Variants in MTHFD2 observed in about 807,000 individuals in gnomAD.
MTHFD2 encodes methylenetetrahydrofolate dehydrogenase (NADP+ dependent) 2, methenyltetrahydrofolate cyclohydrolase, also known as bifunctional methylenetetrahydrofolate dehydrogenase/cyclohydrolase, mitochondrial.
MTHFD2 carries 26 observed loss-of-function variants against 36.8 expected under a neutral mutation model. That is an observed-to-expected ratio of 0.71 (90% CI 0.52 to 0.98). The LOEUF is 0.98. MTHFD2 is among the 50% of genes least tolerant of loss of function. MTHFD2 has a pLI of 0.00. For missense variants in MTHFD2, 373 were observed against 434.0 expected, an observed-to-expected ratio of 0.86 and a Z score of 1.25; for synonymous variants, 164 against 155.2, an observed-to-expected ratio of 1.06 and a Z score of -0.42.
intron 1 of MTHFD2, 103 bp downstream of exon 1, chr2:74,198,845 C>A: frequency 9.1e-7 from 1 of 1,099,390 alleles, no homozygotes; most frequent in Non-Finnish European, 1.3e-6. Context: ...CCTTCCCGAA[C>A]ATCTCCGCCC....
At chr2:74,210,788 T>TTG (rs1553449054) in intron 5 of MTHFD2, among the ~76,000 whole-genome samples, 2 of 149,960 alleles carry the variant, frequency 1.3e-5, no homozygotes, top group African/African-American at 2.5e-5. Flanking sequence ...TAAGTCAGTT[T>TTG]TTTTTTTTTT....
At chr2:74,208,879 T>G (rs1694243377) in intron 4 of MTHFD2, among the ~76,000 whole-genome samples, 158 bp downstream of exon 4, 1 of 152,104 alleles carries the variant, frequency 6.6e-6, no homozygotes, top group Non-Finnish European at 1.5e-5. Context: ...TTTTTTTGTT[T>G]TTTGTTTTTT....
chr2:74,201,075 C>T (rs946210181), intron 1 of MTHFD2, among the ~76,000 whole-genome samples: 1 of 152,156 alleles, frequency 6.6e-6, no homozygotes, highest in South Asian at 2.1e-4. Context: ...GCAACCTCTG[C>T]CTCCTGGGTT....
In MTHFD2 at chr2:74,207,800, G is replaced by T; in HGVS notation, c.383G>T (p.Gly128Val). Residue 128 changes from glycine to valine, a missense_variant, in exon 3 of 8, where the codon GGC becomes GTC. By Grantham distance (109) the Gly-to-Val change is moderately radical (BLOSUM62 -3). Coordinates refer to ENST00000394053, the MANE Select transcript of MTHFD2 (RefSeq NM_006636.4). ...CTGAATAATGATGATAATGTAGATG[G>T]CCTCCTTGTTCAGTTGCCTCTTCCA... ...NKLNNDDNVD[G>V]LLVQLPLPEH... 1.3e-6 allele frequency: 2 copies of T among 1,586,580 alleles called. No homozygotes were observed. Among genetic ancestry groups the T allele is most frequent in the South Asian group, 2.3e-5 (2 of 88,536 alleles).
chr2:74,198,625 AGTCACCGGCGCG>A lies in MTHFD2; in HGVS notation c.-13_-2del. ...CGCGCGCGCGCTTCCCTCCCGGCGC[AGTCACCGGCGCG>A]GTCTATGGCTGCGACTTCTCTAATG... On this transcript the variant is annotated 5_prime_UTR_variant, in exon 1 of 8. Transcript: ENST00000394053. 1 of 1,588,648 alleles carries A rather than the reference AGTCACCGGCGCG, an allele frequency of 6.3e-7. No individual in the cohort carries two copies. The highest frequency in any genetic ancestry group is 8.6e-7 in the Non-Finnish European group (1 of 1,167,196).
rs948927335 is a variant in MTHFD2, at chr2:74,217,075, T to G, written c.*2833T>G. 2 of 152,202 alleles carry G rather than the reference T, an allele frequency of 1.3e-5. No individual in the cohort carries two copies. Among genetic ancestry groups the G allele is most frequent in the African/African-American group, 4.8e-5 (2 of 41,444 alleles). 9.4% of individuals were successfully genotyped at this position (152,202 alleles called of 1,614,324 possible). ...TGAGAGCTTTCTATGGACCAGGCAC[T>G]ACACTAGACGCTGGGAATTACAGAG... On this transcript the variant is annotated 3_prime_UTR_variant, in exon 8 of 8. Coordinates refer to ENST00000394053, the MANE Select transcript of MTHFD2 (RefSeq NM_006636.4).
chr2:74,216,891 G>A lies in MTHFD2; in HGVS notation c.*2649G>A, dbSNP rs1694462170. ...TCCCAAGTAGCGGGATTACAGGTGT[G>A]AGCCACTGTGTCTGACAAGAATTTA... On this transcript the variant is annotated 3_prime_UTR_variant, in exon 8 of 8. Coordinates refer to ENST00000394053, the MANE Select transcript of MTHFD2 (RefSeq NM_006636.4). The A allele has an allele frequency of 1.3e-5, 2 of 152,188 alleles. No homozygotes were observed. Among genetic ancestry groups the A allele is most frequent in the Admixed American group, 1.3e-4 (2 of 15,270 alleles). The allele number at this position is 152,188 out of a possible 1,614,324, so 9.4% of individuals were successfully genotyped here.
At position 74,214,392 on chromosome 2, in the gene MTHFD2, C is replaced by A; in HGVS notation, c.*150C>A. 1.3e-6 allele frequency: 1 copy of A among 787,900 alleles called. No individual in the cohort carries two copies. The allele number at this position is 787,900 out of a possible 1,614,324, so 48.8% of individuals were successfully genotyped here. A position where few individuals can be genotyped will look rare whatever the true frequency, so the allele number is the denominator to read the frequency against. ...TGAAAGCTTAAATGGGTGGGTGTTT[C>A]TGCACATACCTCTGCAGTACCTCAC... On this transcript the variant is annotated 3_prime_UTR_variant, in exon 8 of 8. Coordinates refer to ENST00000394053, the MANE Select transcript of MTHFD2 (RefSeq NM_006636.4).
intron 7 of MTHFD2, among the ~76,000 whole-genome samples, chr2:74,212,515 G>A (rs956370814): frequency 2.0e-5 from 3 of 151,290 alleles, no homozygotes; most frequent in Non-Finnish European, 2.9e-5. Flanking sequence ...TGATCCACCC[G>A]TCTTGGCCTC....
At chr2:74,200,896 C>G (rs1694026998) in intron 1 of MTHFD2, among the ~76,000 whole-genome samples, 1 of 152,082 alleles carries the variant, frequency 6.6e-6, no homozygotes, top group Admixed American at 6.6e-5. Flanking sequence ...TGTAAAATGT[C>G]CTGATACTAA....
intron 4 of MTHFD2, among the ~76,000 whole-genome samples, chr2:74,209,604 C>T (rs1393164290): frequency 6.6e-6 from 1 of 151,742 alleles, no homozygotes; most frequent in East Asian, 1.9e-4. Context: ...ATCATGCTGC[C>T]CAGGCTGGTC....
chr2:74,200,267 A>G (rs912113291), intron 1 of MTHFD2, among the ~76,000 whole-genome samples: 36 of 152,290 alleles, frequency 2.4e-4, no homozygotes, highest in African/African-American at 8.7e-4. Context: ...ATGGTCCAAA[A>G]GAGATTTATA....
At position 74,214,136 on chromosome 2, in the gene MTHFD2, C is replaced by T. The variant is rs1572991956; in HGVS notation, c.947C>T (p.Thr316Ile). ...TPVPGGVGPM[T>I]VAMLMKNTII... ...GTTCCTGGAGGTGTTGGCCCCATGACAGTGGCAATGCTAATGAAGAATACC... is the reference window on the plus strand; with the variant it reads ...GTTCCTGGAGGTGTTGGCCCCATGATAGTGGCAATGCTAATGAAGAATACC... Residue 316 changes from threonine to isoleucine, a missense_variant, in exon 8 of 8, where the codon ACA becomes ATA. By Grantham distance (89) the Thr-to-Ile change is moderately conservative. This residue lies in a region of MTHFD2 where 308 missense variants were observed against 397.8 expected (regional missense o/e 0.77). Coordinates refer to ENST00000394053, the MANE Select transcript of MTHFD2 (RefSeq NM_006636.4). The T allele has an allele frequency of 6.2e-7, 1 of 1,614,124 alleles. No homozygotes were observed. The highest frequency in any genetic ancestry group is 1.1e-5 in the South Asian group (1 of 91,086).
chr2:74,199,900 TACA>T (rs563161926), intron 1 of MTHFD2, among the ~76,000 whole-genome samples: 13 of 152,146 alleles, frequency 8.5e-5, no homozygotes, highest in African/African-American at 1.2e-4. Context: ...CCCTGCACCT[TACA>T]ACATCAGCCC....
chr2:74,207,802 C>T lies in MTHFD2; in HGVS notation c.385C>T (p.Leu129Phe). Residue 129 changes from leucine (L) to phenylalanine (F), a missense_variant, in exon 3 of 8, where the codon CTC (leucine) becomes TTC (phenylalanine). By Grantham distance (22) the Leu-to-Phe change is conservative. Transcript: ENST00000394053. Reference sequence around the variant, plus strand: ...GAATAATGATGATAATGTAGATGGCCTCCTTGTTCAGTTGCCTCTTCCAGG... The same window carrying T: ...GAATAATGATGATAATGTAGATGGCTTCCTTGTTCAGTTGCCTCTTCCAGG... Reference protein sequence around the residue: ...KLNNDDNVDGLLVQLPLPEHI... With the variant: ...KLNNDDNVDGFLVQLPLPEHI... The T allele has an allele frequency of 6.3e-7, 1 of 1,581,362 alleles. No homozygotes were observed. The highest frequency in any genetic ancestry group is 1.1e-5 in the South Asian group (1 of 88,288).
At chr2:74,200,521 C>T (rs577163123) in intron 1 of MTHFD2, among the ~76,000 whole-genome samples, 1 of 150,346 alleles carries the variant, frequency 6.7e-6, no homozygotes, top group African/African-American at 2.5e-5. Context: ...AAGTTGTATC[C>T]TTTTAAAAAT....
At chr2:74,207,995 AGC>A (rs1215491525) in intron 3 of MTHFD2, among the ~76,000 whole-genome samples, 169 bp downstream of exon 3, 4 of 150,490 alleles carry the variant, frequency 2.7e-5, no homozygotes, top group Non-Finnish European at 4.5e-5. Flanking sequence ...TGCATGCTCA[AGC>A]TCCTGGGTTC....
At position 74,211,869 on chromosome 2, in the gene MTHFD2, A is replaced by T. The variant is rs560048185; in HGVS notation, c.889+3A>T. On this transcript the variant is annotated splice_donor_region_variant and intron_variant, in intron 7 of 7. Coordinates refer to ENST00000394053, the MANE Select transcript of MTHFD2 (RefSeq NM_006636.4). ...GGTTGGAGATGTGGATTTTGAAGGT[A>T]AATGGTGAAATTTTATTTTTAAAAA... 2 of 1,607,702 alleles carry T rather than the reference A, an allele frequency of 1.2e-6. No individual in the cohort carries two copies. The highest frequency in any genetic ancestry group is 2.2e-5 in the South Asian group (2 of 90,496).
intron 5 of MTHFD2, among the ~76,000 whole-genome samples, chr2:74,210,305 A>G (rs1572988784): frequency 6.6e-6 from 1 of 152,348 alleles, no homozygotes; most frequent in South Asian, 2.1e-4. Context: ...GTTGTAGGCA[A>G]TTAGAAAATT....
Sources: gnomAD v4.1 joint callset for allele counts (sites outside exome capture counted in the v4.1 genomes callset) on GRCh38, gnomAD v4.1.1 for gene constraint, gnomAD v4.1.1 regional missense constraint, MANE v1.5 for transcripts, NCBI Gene and HGNC (gene_info 2026-07-23, HGNC 2026-07-21) for gene names.